Variants in RNF217 observed in about 807,000 individuals in gnomAD.
RNF217 encodes the protein E3 ubiquitin-protein ligase RNF217.
RNF217 carries 31 observed loss-of-function variants against 57.8 expected under a neutral mutation model. That is an observed-to-expected ratio of 0.54 (90% confidence interval 0.40 to 0.72). The LOEUF is 0.72. RNF217 is among the 30% of genes least tolerant of loss of function. The pLI is 0.00. For missense variants in RNF217, 696 were observed against 708.3 expected (o/e 0.98, Z 0.20); for synonymous variants, 313 against 294.0 (o/e 1.06, Z -0.66).
chr6:125,072,644 G>A (rs953725274), intron 3 of RNF217, among the ~76,000 whole-genome samples: 6 of 152,134 alleles, frequency 3.9e-5, no homozygotes, highest in African/African-American at 1.2e-4. Context: ...GAAATATGAG[G>A]CAAAACTTAT....
At chr6:124,963,542 A>T in intron 1 of RNF217, 116 bp downstream of exon 1, 3 of 1,224,016 alleles carry the variant, frequency 2.5e-6, no homozygotes, top group Non-Finnish European at 3.3e-6. Flanking sequence ...CTTACTGAGG[A>T]TCTCTGTTAG....
intron 3 of RNF217, among the ~76,000 whole-genome samples, chr6:125,071,887 T>G (rs1788160467): frequency 6.6e-6 from 1 of 152,196 alleles, no homozygotes; most frequent in Non-Finnish European, 1.5e-5. Flanking sequence ...AAAAAGAGAA[T>G]TTTGATACTA....
At chr6:125,067,822 A>C (rs1787991608) in intron 3 of RNF217, among the ~76,000 whole-genome samples, 1 of 152,090 alleles carries the variant, frequency 6.6e-6, no homozygotes, top group African/African-American at 2.4e-5. Flanking sequence ...TCGAATGTGG[A>C]AGTGATCACT....
At chr6:124,973,573 T>G (rs994838382) in intron 1 of RNF217, among the ~76,000 whole-genome samples, 1 of 152,194 alleles carries the variant, frequency 6.6e-6, no homozygotes, top group Non-Finnish European at 1.5e-5. Context: ...TTATAATATG[T>G]TTGCTATAAA....
intron 1 of RNF217, among the ~76,000 whole-genome samples, chr6:125,002,014 G>T (rs1366676969): frequency 1.3e-5 from 2 of 152,270 alleles, no homozygotes; most frequent in African/African-American, 4.8e-5. Flanking sequence ...TTCTCCATAT[G>T]AAATAAGATC....
intron 1 of RNF217, among the ~76,000 whole-genome samples, chr6:124,965,364 G>C (rs1381781268): frequency 6.6e-6 from 1 of 151,936 alleles, no homozygotes. Context: ...ACCTGAGATC[G>C]GGAGTTCAAG....
intron 1 of RNF217, among the ~76,000 whole-genome samples, chr6:124,982,767 G>A (rs1784225760): frequency 1.3e-5 from 2 of 152,056 alleles, no homozygotes; most frequent in Admixed American, 1.3e-4. Flanking sequence ...GTCATCTTTG[G>A]TATATAATTG....
rs1416022128 is a variant in RNF217, at chr6:125,083,783, T to C, written c.*846T>C. 1 of 152,072 alleles carries C rather than the reference T, an allele frequency of 6.6e-6. No homozygotes were observed. Among genetic ancestry groups the C allele is most frequent in the African/African-American group, 2.4e-5 (1 of 41,438 alleles). The allele number at this position is 152,072 out of a possible 1,614,324, so 9.4% of individuals were successfully genotyped here. ...TCTTTTTGTCACACAAACACAGAAA[T>C]TTGTGCAACGTCACCCCAAGGAGTA... On this transcript the variant is annotated 3_prime_UTR_variant, in exon 6 of 6. Transcript: ENST00000521654.
chr6:125,048,205 C>T (rs554280995), intron 2 of RNF217: 10 of 1,354,036 alleles, frequency 7.4e-6, no homozygotes, highest in Admixed American at 2.0e-5. Context: ...AGATTCATGG[C>T]CACAGTATGG....
intron 2 of RNF217, among the ~76,000 whole-genome samples, chr6:125,049,680 A>G (rs1300524208): frequency 3.3e-5 from 5 of 151,704 alleles, no homozygotes; most frequent in Admixed American, 2.6e-4. Context: ...TATGACACAT[A>G]CTGGAAAGTA....
At chr6:125,003,890 T>C (rs1785074748) in intron 1 of RNF217, among the ~76,000 whole-genome samples, 2 of 152,096 alleles carry the variant, frequency 1.3e-5, no homozygotes, top group South Asian at 4.2e-4. Flanking sequence ...GAAATTGAGG[T>C]TCAGATACGT....
At chr6:124,988,102 G>C (rs1205042175) in intron 1 of RNF217, among the ~76,000 whole-genome samples, 1 of 152,152 alleles carries the variant, frequency 6.6e-6, no homozygotes, top group Non-Finnish European at 1.5e-5. Context: ...ATTCTCATGG[G>C]AGTGTTAACT....
intron 1 of RNF217, among the ~76,000 whole-genome samples, chr6:124,964,059 G>A (rs552490257): frequency 6.6e-6 from 1 of 152,328 alleles, no homozygotes; most frequent in African/African-American, 2.4e-5. Flanking sequence ...AGGCTAAGAG[G>A]TTTCTCAGAA....
chr6:125,033,864 C>T (rs375827906), intron 1 of RNF217, among the ~76,000 whole-genome samples: 2 of 151,966 alleles, frequency 1.3e-5, no homozygotes, highest in African/African-American at 4.8e-5. Flanking sequence ...CTGTTGTTTC[C>T]TGACTTTTTA....
Position 125,083,513 on chromosome 6 carries a change from A to C in RNF217, c.*576A>C, listed in dbSNP as rs1788678380. ...GAGTGAAACTAAATTAATGAGAAGA[A>C]TATTAAGTTACTGAAGTGTATATGC... On this transcript the variant is annotated 3_prime_UTR_variant, in exon 6 of 6. Transcript: ENST00000521654. The C allele has an allele frequency of 6.6e-6, 1 of 152,160 alleles. No individual in the cohort carries two copies. The highest frequency in any genetic ancestry group is 2.4e-5 in the African/African-American group (1 of 41,442). 9.4% of individuals were successfully genotyped at this position (152,160 alleles called of 1,614,324 possible).
At chr6:124,980,013 A>C (rs1784103662) in intron 1 of RNF217, among the ~76,000 whole-genome samples, 1 of 152,202 alleles carries the variant, frequency 6.6e-6, no homozygotes, top group South Asian at 2.1e-4. Flanking sequence ...CTATTGAGAC[A>C]TGCTAGGTTT....
chr6:124,972,175 C>A (rs1403449248), intron 1 of RNF217, among the ~76,000 whole-genome samples: 1 of 152,160 alleles, frequency 6.6e-6, no homozygotes, highest in Non-Finnish European at 1.5e-5. Context: ...AGGTCAGAAA[C>A]CTGGGGGGTC....
intron 1 of RNF217, among the ~76,000 whole-genome samples, chr6:125,011,991 C>G (rs1231085783): frequency 6.6e-6 from 1 of 151,916 alleles, no homozygotes; most frequent in South Asian, 2.1e-4. Flanking sequence ...AAATCAAAAG[C>G]CACTTTCTAC....
intron 1 of RNF217, among the ~76,000 whole-genome samples, chr6:125,019,837 G>A (rs76344600): frequency 1.3e-5 from 2 of 148,622 alleles, no homozygotes; most frequent in South Asian, 2.2e-4. Flanking sequence ...TTGCAGTGGG[G>A]GGGGAGTGAA....
Sources: gnomAD v4.1 joint callset for allele counts (sites outside exome capture counted in the v4.1 genomes callset) on GRCh38, gnomAD v4.1.1 for gene constraint, MANE v1.5 for transcripts, NCBI Gene and HGNC (gene_info 2026-07-23, HGNC 2026-07-21) for gene names.